Variants in IGSF3 observed in about 807,000 individuals in gnomAD.
The protein encoded by IGSF3 is immunoglobulin superfamily member 3, also known as glu-Trp-Ile EWI motif-containing protein 3.
Under a neutral mutation model 114.4 loss-of-function variants are expected in IGSF3, and 23 were observed. The observed-to-expected ratio is 0.20, with a 90% CI of 0.14 to 0.28. IGSF3 has a LOEUF of 0.28. Ranked by LOEUF, IGSF3 falls within the 10% of genes least tolerant of loss-of-function variation. The pLI is 1.00. For missense variants in IGSF3, 1,172 were observed against 1,591.5 expected, an observed-to-expected ratio of 0.74 and a Z score of 4.48; for synonymous variants, 571 against 645.2, an observed-to-expected ratio of 0.88 and a Z score of 1.74.
Position 116,614,092 on chromosome 1 carries a change from C to T in IGSF3, c.505G>A (p.Val169Met). 12 of 1,614,092 alleles carry T rather than the reference C, an allele frequency of 7.4e-6. No homozygotes were observed. The highest frequency in any genetic ancestry group is 9.3e-6 in the Non-Finnish European group (11 of 1,180,028). The change falls in exon 4 of 11, where the codon GTG becomes ATG. Residue 169 changes from valine (V) to methionine (M), a missense_variant. By Grantham distance (21) the Val-to-Met change is conservative. Coordinates refer to ENST00000369486, the MANE Select transcript of IGSF3 (RefSeq NM_001007237.3). This position sits in a 1 kb window ranked among gnomAD's most constrained non-coding sequence, Gnocchi z 4.5. The part of the protein sequence containing the change: ...EQDPLELTCE[V>M]ASETIQHSHL... The stretch of plus-strand genomic sequence containing the variant: ...CTGTGCTGAATGGTCTCTGAGGCCA[C>T]CTCACAAGTGAGCTCCAGCGGGTCC...
intron 7 of IGSF3, among the ~76,000 whole-genome samples, chr1:116,591,760 C>A (rs1424550066): frequency 1.3e-5 from 2 of 152,108 alleles, no homozygotes; most frequent in Admixed American, 6.5e-5. Flanking sequence ...GGGAGCCCTC[C>A]CATGTCCTGC....
At chr1:116,606,702 A>G in intron 5 of IGSF3, 1 of 605,984 alleles carries the variant, frequency 1.7e-6, no homozygotes, top group South Asian at 2.0e-5. Flanking sequence ...TGCAGATTTA[A>G]AAGTAGAGTC....
At position 116,584,478 on chromosome 1, in the gene IGSF3, A is replaced by T. The variant is rs751065496; in HGVS notation, c.2848+167T>A. The T allele has an allele frequency of 1.6e-4, 106 of 678,994 alleles. No homozygotes were observed. Among genetic ancestry groups the T allele is most frequent in the Non-Finnish European group, 2.4e-4 (98 of 409,862 alleles). The allele number at this position is 678,994 out of a possible 1,614,324, so 42.1% of individuals were successfully genotyped here. On this transcript the variant is annotated intron_variant, in intron 9 of 10. Transcript: ENST00000369486. This position sits in a 1 kb window ranked among gnomAD's most constrained non-coding sequence, Gnocchi z 5.8. ...CCAGACGTGCAATTTTCCATTCACA[A>T]GAAAAAAAATTCAGGCAATTTTGAA...
chr1:116,619,433 C>G (rs1242801176), intron 2 of IGSF3, among the ~76,000 whole-genome samples: 1 of 152,206 alleles, frequency 6.6e-6, no homozygotes, highest in Non-Finnish European at 1.5e-5. Context: ...TATAAACAAT[C>G]CAGACAAATA....
At position 116,654,868 on chromosome 1, in the gene IGSF3, A is replaced by G. The variant is rs1462967536; in HGVS notation, c.43+11416T>C. 1.3e-5 allele frequency among the ~76,000 whole-genome samples: 2 copies of G among 152,038 alleles called. No homozygotes were observed. Among genetic ancestry groups the G allele is most frequent in the Non-Finnish European group, 2.9e-5 (2 of 68,006 alleles). On this transcript the variant is annotated intron_variant, in intron 2 of 10. Coordinates refer to ENST00000369486, the MANE Select transcript of IGSF3 (RefSeq NM_001007237.3). The surrounding 1 kb of genome is among the most constrained non-coding windows in gnomAD (Gnocchi z 4.4). ...AAAGTTTGCCCTTTAGCCTCCTCAGAGCCCCCTCCCTTCTCCTCGCTCTCC... is the reference window on the plus strand; with the variant it reads ...AAAGTTTGCCCTTTAGCCTCCTCAGGGCCCCCTCCCTTCTCCTCGCTCTCC...
In IGSF3 at chr1:116,655,558, T is replaced by C. The variant is rs1252753665; in HGVS notation, c.43+10726A>G. On this transcript the variant is annotated intron_variant, in intron 2 of 10. Coordinates refer to ENST00000369486, the MANE Select transcript of IGSF3 (RefSeq NM_001007237.3). The surrounding 1 kb of genome is among the most constrained non-coding windows in gnomAD (Gnocchi z 4.3). ...TGCTGCAGGGGTTGAGAAAAAAAAGTTCTCTTCCTTTGGGTTAAAGTCTTA... is the reference window on the plus strand; with the variant it reads ...TGCTGCAGGGGTTGAGAAAAAAAAGCTCTCTTCCTTTGGGTTAAAGTCTTA... Among the ~76,000 whole-genome samples the C allele has an allele frequency of 6.6e-6, 1 of 152,200 alleles. No homozygotes were observed. Among genetic ancestry groups the C allele is most frequent in the East Asian group, 1.9e-4 (1 of 5,202 alleles).
chr1:116,578,475 A>T (rs1659450422), intron 10 of IGSF3, among the ~76,000 whole-genome samples: 1 of 152,194 alleles, frequency 6.6e-6, no homozygotes, highest in Non-Finnish European at 1.5e-5. Flanking sequence ...TCCAAAGTGT[A>T]TGAAACTGCT....
intron 10 of IGSF3, among the ~76,000 whole-genome samples, chr1:116,578,557 T>C (rs1659455041): frequency 6.6e-6 from 1 of 152,152 alleles, no homozygotes; most frequent in Admixed American, 6.5e-5. Context: ...CACGGGGTGA[T>C]CAAGGCAAAA....
At chr1:116,587,371 A>C (rs911863630) in intron 8 of IGSF3, among the ~76,000 whole-genome samples, 1 of 152,178 alleles carries the variant, frequency 6.6e-6, no homozygotes, top group South Asian at 2.1e-4. Flanking sequence ...GGGAAAGGAA[A>C]TCTAGAGTGA....
rs1329304974 is a variant in IGSF3 at position 116,632,907 on chromosome 1, T to G, written c.44-16450A>C. Among the ~76,000 whole-genome samples, 1 of 152,258 alleles carries G rather than the reference T, an allele frequency of 6.6e-6. No individual in the cohort carries two copies. The highest frequency in any genetic ancestry group is 1.5e-5 in the Non-Finnish European group (1 of 68,044). ...TGTGTTTACCAAGCATTTGATTTAC[T>G]TGCTCAGGCAAAATTCCAGAAGAGA... On this transcript the variant is annotated intron_variant, in intron 2 of 10. Transcript: ENST00000369486. The surrounding 1 kb of genome is among the most constrained non-coding windows in gnomAD (Gnocchi z 5.1).
chr1:116,598,650 G>C lies in IGSF3; in HGVS notation c.2029+1291C>G. ...GGTCAGGCACTAACCATGGCTGTTAGTGGGCAGAAAAATCCCTTTGGCAAG... is the reference window on the plus strand; with the variant it reads ...GGTCAGGCACTAACCATGGCTGTTACTGGGCAGAAAAATCCCTTTGGCAAG... On this transcript the variant is annotated intron_variant, in intron 7 of 10. Coordinates refer to ENST00000369486, the MANE Select transcript of IGSF3 (RefSeq NM_001007237.3). This position sits in a 1 kb window ranked among gnomAD's most constrained non-coding sequence, Gnocchi z 4.3. Among the ~76,000 whole-genome samples, 1 of 152,226 alleles carries C rather than the reference G, an allele frequency of 6.6e-6. No individual in the cohort carries two copies. The highest frequency in any genetic ancestry group is 1.9e-4 in the East Asian group (1 of 5,198).
In IGSF3 at chr1:116,642,929, C is replaced by G. The variant is rs1020073208; in HGVS notation, c.43+23355G>C. ...ATTTCACCACCTGGAACCTCCCTGT[C>G]CCACCCATCTTCACTTGCAATACTC... On this transcript the variant is annotated intron_variant, in intron 2 of 10. Coordinates refer to ENST00000369486, the MANE Select transcript of IGSF3 (RefSeq NM_001007237.3). The surrounding 1 kb of genome is among the most constrained non-coding windows in gnomAD (Gnocchi z 5.4). Among the ~76,000 whole-genome samples, 6 of 152,208 alleles carry G rather than the reference C, an allele frequency of 3.9e-5. No homozygotes were observed. Among genetic ancestry groups the G allele is most frequent in the Non-Finnish European group, 8.8e-5 (6 of 68,036 alleles).
intron 4 of IGSF3, among the ~76,000 whole-genome samples, chr1:116,608,582 A>G (rs1329352997): frequency 7.2e-5 from 11 of 152,222 alleles, no homozygotes; most frequent in Non-Finnish European, 1.6e-4. Flanking sequence ...CTGTTACCCC[A>G]GTTAAGACCA....
At position 116,589,529 on chromosome 1, in the gene IGSF3, G is replaced by A. The variant is rs1466703005; in HGVS notation, c.2030-425C>T. On this transcript the variant is annotated intron_variant, in intron 7 of 10. Coordinates refer to ENST00000369486, the MANE Select transcript of IGSF3 (RefSeq NM_001007237.3). This position sits in a 1 kb window ranked among gnomAD's most constrained non-coding sequence, Gnocchi z 5.7. ...CCAAGTGTCCTGACTCATCTCTCAC[G>A]ACTCACCCTCAGGCACCCTCCACAG... Among the ~76,000 whole-genome samples, 2 of 151,908 alleles carry A rather than the reference G, an allele frequency of 1.3e-5. No individual in the cohort carries two copies. Among genetic ancestry groups the A allele is most frequent in the Non-Finnish European group, 2.9e-5 (2 of 68,000 alleles).
chr1:116,588,699 T>C lies in IGSF3; in HGVS notation c.2435A>G (p.Gln812Arg). ...GCCGTGCCCTGCGGCCTTACCTGGC[T>C]GTTTCACAGTGACTTCTGTGCGCCC... The part of the protein sequence containing the change: ...VSGRTEVTVK[Q>R]PDSRLRLSQA... The change falls in exon 8 of 11, where the codon CAG becomes CGG. Residue 812 changes from glutamine (Q) to arginine (R), a missense_variant. Physicochemically the swap from Gln to Arg is conservative, Grantham distance 43 (BLOSUM62 1). Around this residue, in one of 3 missense-constraint regions of IGSF3, gnomAD observed 423 missense variants for 509.8 expected, o/e 0.83. Transcript: ENST00000369486. The surrounding 1 kb of genome is among the most constrained non-coding windows in gnomAD (Gnocchi z 4.9). 6.3e-7 allele frequency: 1 copy of C among 1,588,090 alleles called. No individual in the cohort carries two copies. The highest frequency in any genetic ancestry group is 1.2e-5 in the South Asian group (1 of 86,546).
intron 2 of IGSF3, among the ~76,000 whole-genome samples, chr1:116,631,804 A>C (rs574524756): frequency 1.3e-5 from 2 of 152,336 alleles, no homozygotes; most frequent in South Asian, 2.1e-4. Context: ...AAAGGTCAAC[A>C]GTCACTCAGC....
rs1571123242 is a variant in IGSF3, at chr1:116,588,473, C to T, written c.2440+221G>A. On this transcript the variant is annotated intron_variant, in intron 8 of 10. Transcript: ENST00000369486. The surrounding 1 kb of genome is among the most constrained non-coding windows in gnomAD (Gnocchi z 4.9). ...AAGATGGTATCCACAGAAGCAGAGT[C>T]AAGGATGCTTCCATGAGTCTGCCGT... is the stretch of plus-strand genomic sequence containing the variant. Among the ~76,000 whole-genome samples the T allele has an allele frequency of 6.6e-6, 1 of 152,286 alleles. No individual in the cohort carries two copies. The highest frequency in any genetic ancestry group is 1.9e-4 in the East Asian group (1 of 5,182).
Position 116,633,326 on chromosome 1 carries a change from G to C in IGSF3, c.44-16869C>G, listed in dbSNP as rs1647678899. Among the ~76,000 whole-genome samples, 1 of 152,170 alleles carries C rather than the reference G, an allele frequency of 6.6e-6. No homozygotes were observed. The highest frequency in any genetic ancestry group is 1.5e-5 in the Non-Finnish European group (1 of 68,030). On this transcript the variant is annotated intron_variant, in intron 2 of 10. Transcript: ENST00000369486. This position sits in a 1 kb window ranked among gnomAD's most constrained non-coding sequence, Gnocchi z 4.3. Reference sequence around the variant, plus strand: ...AGGAAGTCCAGCAGAGTTGGTTTTGGTTTGGGGGTGTTTTTTGAGTTGGGT... The same window carrying C: ...AGGAAGTCCAGCAGAGTTGGTTTTGCTTTGGGGGTGTTTTTTGAGTTGGGT...
chr1:116,636,614 A>G lies in IGSF3; in HGVS notation c.44-20157T>C, dbSNP rs1647842278. Among the ~76,000 whole-genome samples the G allele has an allele frequency of 6.6e-6, 1 of 152,082 alleles. No individual in the cohort carries two copies. Among genetic ancestry groups the G allele is most frequent in the African/African-American group, 2.4e-5 (1 of 41,388 alleles). On this transcript the variant is annotated intron_variant, in intron 2 of 10. Coordinates refer to ENST00000369486, the MANE Select transcript of IGSF3 (RefSeq NM_001007237.3). The surrounding 1 kb of genome is among the most constrained non-coding windows in gnomAD (Gnocchi z 4.5). The stretch of plus-strand genomic sequence containing the variant: ...GACTTGGAGAAGCTGTGATCTGTCT[A>G]GCCCTTCTACACCAGGAGCGAGGCC...
Sources: gnomAD v4.1 joint callset for allele counts (sites outside exome capture counted in the v4.1 genomes callset) on GRCh38, gnomAD v4.1.1 for gene constraint, gnomAD v4.1.1 regional missense constraint, Gnocchi (gnomAD v3.1) non-coding constraint, MANE v1.5 for transcripts, NCBI Gene and HGNC (gene_info 2026-07-23, HGNC 2026-07-21) for gene names.